KCP: variants seen among roughly 807,000 people sequenced by gnomAD.
KCP encodes the protein kielin cysteine rich BMP regulator.
A neutral mutation model predicts 212.7 loss-of-function variants in KCP; 194 were observed. The observed-to-expected ratio is 0.91, with a 90% confidence interval of 0.81 to 1.03. The LOEUF (loss-of-function observed/expected upper bound fraction) is 1.03. Ranked by LOEUF, KCP falls within the 50% of genes least tolerant of loss-of-function variation. The pLI is 0.00. For synonymous variants in KCP, 833 were observed against 865.3 expected (o/e 0.96, Z 0.65); for missense variants, 2,080 against 2,162.5 (o/e 0.96, Z 0.76).
Position 128,881,011 on chromosome 7 carries a change from C to A in KCP, c.3499G>T (p.Ala1167Ser), listed in dbSNP as rs1329099745. 2.5e-6 allele frequency: 1 copy of A among 398,972 alleles called. No individual in the cohort carries two copies. The allele number at this position is 398,972 out of a possible 1,614,324, so 24.7% of individuals were successfully genotyped here. A position where few individuals can be genotyped will look rare whatever the true frequency, so the allele number is the denominator to read the frequency against. Residue 1167 changes from alanine to serine, a missense_variant, in exon 32 of 40, where the codon GCC becomes TCC. Ala to Ser is a moderately conservative substitution (Grantham distance 99, BLOSUM62 1). Coordinates refer to ENST00000610776, the MANE Select transcript of KCP (RefSeq NM_001366122.1). ...SWRDPSNACI[A>S]CTCHRGHVEC... ...CCCCAGCTCACATGGCAGGTGCAGG[C>A]GATGCACGCATTGCTGGGGTCCCGC...
intron 7 of KCP, 56 bp downstream of exon 7, chr7:128,903,671 G>C (rs1794972832): frequency 8.5e-6 from 12 of 1,406,992 alleles, no homozygotes; most frequent in Non-Finnish European, 1.1e-5. Context: ...TGGAATTCAA[G>C]AAATGGCACG....
Position 128,881,093 on chromosome 7 carries a change from G to A in KCP, c.3425-8C>T, listed in dbSNP as rs1793303089. ...CGGCCTCCACCACACATTCTGAGGG[G>A]GGAGACATGGGATGGGCAGGCACTG... is the stretch of plus-strand genomic sequence containing the variant. On this transcript the variant is annotated splice_region_variant and splice_polypyrimidine_tract_variant and intron_variant, in intron 31 of 39. Transcript: ENST00000610776. The A allele has an allele frequency of 2.5e-6, 1 of 398,848 alleles. No homozygotes were observed. Among genetic ancestry groups the A allele is most frequent in the Non-Finnish European group, 4.4e-6 (1 of 226,234 alleles). The allele number at this position is 398,848 out of a possible 1,614,324, so 24.7% of individuals were successfully genotyped here. A position where few individuals can be genotyped will look rare whatever the true frequency, so the allele number is the denominator to read the frequency against.
At position 128,893,902 on chromosome 7, in the gene KCP, G is replaced by A; in HGVS notation, c.1006-3C>T. The A allele has an allele frequency of 6.4e-7, 1 of 1,551,070 alleles. No individual in the cohort carries two copies. Among genetic ancestry groups the A allele is most frequent in the South Asian group, 1.2e-5 (1 of 84,060 alleles). On this transcript the variant is annotated splice_region_variant and splice_polypyrimidine_tract_variant and intron_variant, in intron 10 of 39. Transcript: ENST00000610776. ...GGCTCACACTGGACACTCCCATTCT[G>A]CCAACAGGGCCTGGTCAGCACGCCA...
chr7:128,880,253 G>A (rs1038358223), intron 34 of KCP, 133 bp downstream of exon 34: 106 of 1,324,526 alleles, frequency 8.0e-5, no homozygotes, highest in Non-Finnish European at 1.0e-4. Context: ...GTCGCACTGG[G>A]AACAGCACTG....
In KCP at chr7:128,892,725, G is replaced by A. The variant is rs866386000; in HGVS notation, c.1490C>T (p.Thr497Met). The A allele has an allele frequency of 3.4e-5, 53 of 1,551,708 alleles. No homozygotes were observed. The highest frequency in any genetic ancestry group is 1.5e-4 in the African/African-American group (11 of 73,178). The change falls in exon 15 of 40, where the codon ACG (threonine) becomes ATG (methionine). Residue 497 changes from threonine (T) to methionine (M), a missense_variant. Coordinates refer to ENST00000610776, the MANE Select transcript of KCP (RefSeq NM_001366122.1). Reference protein sequence around the residue: ...SQVYANGQNFTDADSPCHACH... With the variant: ...SQVYANGQNFMDADSPCHACH... Reference sequence around the variant, plus strand: ...GGCATGGCAAGGGCTGTCTGCATCCGTGAAGTTCTGCCCATTGGCATACAC... The same window carrying A: ...GGCATGGCAAGGGCTGTCTGCATCCATGAAGTTCTGCCCATTGGCATACAC...
At chr7:128,883,886 T>C in intron 29 of KCP, 116 bp downstream of exon 29, 1 of 1,316,716 alleles carries the variant, frequency 7.6e-7, no homozygotes, top group Non-Finnish European at 1.0e-6. Context: ...GGCATAGGGT[T>C]CCAGAACAGT....
At chr7:128,900,842 C>T (rs953225618) in intron 8 of KCP, among the ~76,000 whole-genome samples, 1 of 152,092 alleles carries the variant, frequency 6.6e-6, no homozygotes, top group African/African-American at 2.4e-5. Flanking sequence ...CCCTCTGCAC[C>T]CCTTAGGATC....
In KCP at chr7:128,888,258, G is replaced by A. The variant is rs375709351; in HGVS notation, c.2512+605C>T. On this transcript the variant is annotated intron_variant, in intron 22 of 39. Coordinates refer to ENST00000610776, the MANE Select transcript of KCP (RefSeq NM_001366122.1). ...GACACACATACGGTCACACACACAC[G>A]TACACAGACACACATACACTGTCAC... Among the ~76,000 whole-genome samples, 633 of 109,234 alleles carry A rather than the reference G, an allele frequency of 5.8e-3. 6 individuals carry two copies. Among genetic ancestry groups the A allele is most frequent in the African/African-American group, 0.022 (609 of 27,486 alleles). 71.7% of individuals were successfully genotyped at this position (109,234 alleles called of 152,430 possible).
chr7:128,894,440 C>T (rs1794397346), intron 8 of KCP, 147 bp from the exon 9 acceptor site: 1 of 592,814 alleles, frequency 1.7e-6, no homozygotes, highest in Non-Finnish European at 2.9e-6. Flanking sequence ...TTGAACTCCT[C>T]ACCCCCAGCA....
chr7:128,903,215 G>T, intron 7 of KCP: 1 of 321,724 alleles, frequency 3.1e-6, no homozygotes, highest in Non-Finnish European at 5.7e-6. Flanking sequence ...TTCCTAGAAG[G>T]CTCACTGCCT....
Position 128,879,919 on chromosome 7 carries a change from TC to T in KCP, c.3925del (p.Asp1309ThrfsTer6), listed in dbSNP as rs926913341. On this transcript the variant is annotated frameshift_variant, in exon 35 of 40. Coordinates refer to ENST00000610776, the MANE Select transcript of KCP (RefSeq NM_001366122.1). LOFTEE classifies it high-confidence loss of function. Reference sequence around the variant, plus strand: ...AGAGACAGGGGATGCACACCTGAAGTCCCCGCTGTGGCAGTCCTTGGCCAGC... The same window carrying T: ...AGAGACAGGGGATGCACACCTGAAGTCCCGCTGTGGCAGTCCTTGGCCAGC... ...YVLAKDCHSG[D>X]FSVHVTNDDR... 37 of 1,550,932 alleles carry T rather than the reference TC, an allele frequency of 2.4e-5. No homozygotes were observed. The highest frequency in any genetic ancestry group is 3.1e-5 in the Non-Finnish European group (36 of 1,146,958).
In KCP at chr7:128,891,640, C is replaced by T. The variant is rs1473846562; in HGVS notation, c.1795+6G>A. The T allele has an allele frequency of 6.8e-7, 1 of 1,473,940 alleles. No homozygotes were observed. The highest frequency in any genetic ancestry group is 9.0e-7 in the Non-Finnish European group (1 of 1,110,302). 91.3% of individuals were successfully genotyped at this position (1,473,940 alleles called of 1,614,324 possible). On this transcript the variant is annotated splice_donor_region_variant and intron_variant, in intron 17 of 39. Transcript: ENST00000610776. The stretch of plus-strand genomic sequence containing the variant: ...CCAGAAGGCCGCCCTGACCCGCCCA[C>T]CTCACCGCTGCAGTCGTTCGGGCAG...
At chr7:128,887,760 AAC>A (rs1182761944) in intron 22 of KCP, among the ~76,000 whole-genome samples, 5 of 123,472 alleles carry the variant, frequency 4.0e-5, no homozygotes, top group Non-Finnish European at 8.6e-5. Context: ...CACACACATA[AAC>A]ACACAGCCAC....
intron 31 of KCP, among the ~76,000 whole-genome samples, chr7:128,881,354 C>G (rs1276063643): frequency 2.0e-5 from 3 of 152,242 alleles, no homozygotes; most frequent in African/African-American, 7.2e-5. Flanking sequence ...AGTGCAATGC[C>G]CTCTTCATGG....
intron 34 of KCP, 73 bp from the exon 35 acceptor site, chr7:128,880,158 C>A: frequency 1.4e-6 from 2 of 1,434,464 alleles, no homozygotes; most frequent in East Asian, 5.0e-5. Context: ...TCCCAGAAAA[C>A]CAAGCATCTC....
intron 1 of KCP, among the ~76,000 whole-genome samples, chr7:128,910,336 A>G (rs1416082160): frequency 6.6e-6 from 1 of 151,686 alleles, no homozygotes; most frequent in African/African-American, 2.4e-5. Context: ...TTAACTTCAG[A>G]CTCCCAGATG....
rs184482942 is a variant in KCP at position 128,886,920 on chromosome 7, C to T, written c.2645G>A (p.Cys882Tyr). ...CQKKPCPPAL[C>Y]PHPSPGPCFC... The stretch of plus-strand genomic sequence containing the variant: ...GCAGGGGCCTGGAGAGGGGTGGGGG[C>T]AGAGAGCTGGGGGACATGGCTTCTT... The change falls in exon 24 of 40, where the codon TGC becomes TAC. Residue 882 changes from cysteine to tyrosine, a missense_variant. Transcript: ENST00000610776. 6.6e-4 allele frequency: 1,006 copies of T among 1,528,352 alleles called. No individual in the cohort carries two copies. The highest frequency in any genetic ancestry group is 5.7e-3 in the African/African-American group (412 of 71,654). The allele number at this position is 1,528,352 out of a possible 1,614,324, so 94.7% of individuals were successfully genotyped here.
At position 128,893,460 on chromosome 7, in the gene KCP, T is replaced by C. The variant is rs999375568; in HGVS notation, c.1116A>G (p.Gly372=). The C allele has an allele frequency of 7.4e-5, 114 of 1,550,964 alleles. No homozygotes were observed. The highest frequency in any genetic ancestry group is 9.4e-5 in the Non-Finnish European group (108 of 1,146,550). ...AGGTCTCCTGGCTCTGATACTGGTG[T>C]CCCTGGTACTCACAGCCTGGATGGG... The part of the protein sequence containing the change: ...CPVCDGCEYQ[G]HQYQSQETFR... Residue 372 remains glycine, a synonymous_variant, in exon 12 of 40, where the codon GGA becomes GGG. Coordinates refer to ENST00000610776, the MANE Select transcript of KCP (RefSeq NM_001366122.1).
At position 128,890,909 on chromosome 7, in the gene KCP, G is replaced by T. The variant is rs973934455; in HGVS notation, c.2160C>A (p.Cys720Ter). The T allele has an allele frequency of 8.0e-7, 1 of 1,246,296 alleles. No homozygotes were observed. The highest frequency in any genetic ancestry group is 1.0e-6 in the Non-Finnish European group (1 of 1,000,240). The allele number at this position is 1,246,296 out of a possible 1,614,324, so 77.2% of individuals were successfully genotyped here. ...HPRQGPCCPS[C>*]DGCLYQGKEF... Reference sequence around the variant, plus strand: ...GGGGCACCGCCAGGGCGTTACCGTCGCAGGAGGGGCAGCAAGGCCCCTGGC... The same window carrying T: ...GGGGCACCGCCAGGGCGTTACCGTCTCAGGAGGGGCAGCAAGGCCCCTGGC... The change falls in exon 20 of 40, where the codon TGC (cysteine) becomes TGA (stop). Residue 720 changes from cysteine (C) to a stop codon, truncating the protein, a stop_gained. Transcript: ENST00000610776. LOFTEE classifies it high-confidence loss of function.
Sources: gnomAD v4.1 joint callset for allele counts (sites outside exome capture counted in the v4.1 genomes callset) on GRCh38, gnomAD v4.1.1 for gene constraint, MANE v1.5 for transcripts, NCBI Gene and HGNC (gene_info 2026-07-23, HGNC 2026-07-21) for gene names.